PLCH1: variants seen among roughly 807,000 people sequenced by gnomAD.
The protein encoded by PLCH1 is 1-phosphatidylinositol 4,5-bisphosphate phosphodiesterase eta-1.
Under a neutral mutation model 126.7 loss-of-function variants are expected in PLCH1, and 60 were observed. The observed-to-expected ratio is 0.47, with a 90% CI of 0.38 to 0.59. The LOEUF (loss-of-function observed/expected upper bound fraction) is 0.59, where lower values mean the gene tolerates loss of function less well. PLCH1 is among the 20% of genes least tolerant of loss of function. The pLI is 0.00. For synonymous variants in PLCH1, 719 were observed against 734.9 expected, an observed-to-expected ratio of 0.98 and a Z score of 0.35; for missense variants, 1,723 against 2,040.0, an observed-to-expected ratio of 0.84 and a Z score of 2.99.
chr3:155,624,952 A>G (rs944174792), intron 2 of PLCH1, among the ~76,000 whole-genome samples: 5 of 152,230 alleles, frequency 3.3e-5, no homozygotes, highest in African/African-American at 9.6e-5. Context: ...CCTAAAAAAA[A>G]GAACAAAGCT....
At chr3:155,689,004 T>C (rs7651444) in intron 2 of PLCH1, among the ~76,000 whole-genome samples, 1 of 152,036 alleles carries the variant, frequency 6.6e-6, no homozygotes, top group African/African-American at 2.4e-5. Flanking sequence ...CTAGGGCAAG[T>C]CCCAGTCAGT....
chr3:155,468,650 G>T (rs1222509366), intron 21 of PLCH1, among the ~76,000 whole-genome samples: 1 of 152,102 alleles, frequency 6.6e-6, no homozygotes, highest in East Asian at 1.9e-4. Flanking sequence ...GACAAAGAAG[G>T]TCATTCCATA....
At position 155,594,146 on chromosome 3, in the gene PLCH1, G is replaced by T. The variant is rs1356562790; in HGVS notation, c.265C>A (p.Gln89Lys). 1.2e-6 allele frequency: 2 copies of T among 1,613,846 alleles called. No homozygotes were observed. The highest frequency in any genetic ancestry group is 1.7e-4 in the Middle Eastern group (1 of 6,056). Reference sequence around the variant, plus strand: ...GCTTGTCTGTGGAATATTTCAGACTGCCGGCCCTCAGTCACTTTGTAAATG... The same window carrying T: ...GCTTGTCTGTGGAATATTTCAGACTTCCGGCCCTCAGTCACTTTGTAAATG... Reference protein sequence around the residue: ...DSIYKVTEGRQSEIFHRQAEG... With the variant: ...DSIYKVTEGRKSEIFHRQAEG... The change falls in exon 4 of 23, where the codon CAG becomes AAG. Residue 89 changes from glutamine to lysine, a missense_variant. Coordinates refer to ENST00000460012, the MANE Select transcript of PLCH1 (RefSeq NM_014996.4).
chr3:155,635,843 C>CTTT (rs1738658342), intron 2 of PLCH1, among the ~76,000 whole-genome samples: 1 of 151,790 alleles, frequency 6.6e-6, no homozygotes, highest in African/African-American at 2.4e-5. Context: ...TGTTTAGATA[C>CTTT]TTTTGGCTGC....
At chr3:155,651,724 T>C (rs141178172) in intron 2 of PLCH1, among the ~76,000 whole-genome samples, 2 of 152,346 alleles carry the variant, frequency 1.3e-5, no homozygotes, top group African/African-American at 4.8e-5. Context: ...TGAAGTTACT[T>C]ACCACCACCT....
intron 2 of PLCH1, among the ~76,000 whole-genome samples, chr3:155,608,247 G>A (rs990018333): frequency 1.3e-5 from 2 of 152,188 alleles, no homozygotes; most frequent in South Asian, 4.1e-4. Context: ...GGACTAGGGA[G>A]GGGGTCACAA....
At chr3:155,568,953 T>C (rs940048547) in intron 6 of PLCH1, among the ~76,000 whole-genome samples, 15 of 152,144 alleles carry the variant, frequency 9.9e-5, no homozygotes, top group Admixed American at 8.5e-4. Context: ...ATTAATAGTG[T>C]GACATTGAAG....
chr3:155,716,891 A>G (rs1747559656), intron 1 of PLCH1, among the ~76,000 whole-genome samples: 1 of 152,228 alleles, frequency 6.6e-6, no homozygotes, highest in African/African-American at 2.4e-5. Context: ...AACCTAGTCA[A>G]AAGTCCGAAG....
chr3:155,564,816 G>A (rs978836185), intron 8 of PLCH1, 99 bp downstream of exon 8: 3 of 715,746 alleles, frequency 4.2e-6, no homozygotes, highest in African/African-American at 1.7e-5. Flanking sequence ...ATTAGTGTGA[G>A]AGTGTGTTTT....
chr3:155,532,715 C>G (rs1320808638), intron 10 of PLCH1, among the ~76,000 whole-genome samples: 1 of 152,160 alleles, frequency 6.6e-6, no homozygotes. Flanking sequence ...ATGAAGCCTC[C>G]TAGCCATGCT....
At chr3:155,669,778 G>A (rs1034156275) in intron 2 of PLCH1, among the ~76,000 whole-genome samples, 2 of 152,178 alleles carry the variant, frequency 1.3e-5, no homozygotes, top group African/African-American at 4.8e-5. Context: ...AAGTCCAACT[G>A]AAGACCTGTC....
intron 2 of PLCH1, among the ~76,000 whole-genome samples, chr3:155,611,880 A>G (rs1455825930): frequency 1.3e-5 from 2 of 152,260 alleles, no homozygotes; most frequent in Admixed American, 1.3e-4. Flanking sequence ...AACTATACAA[A>G]TACATAGAAA....
intron 2 of PLCH1, among the ~76,000 whole-genome samples, chr3:155,649,840 C>T (rs1406628168): frequency 6.6e-6 from 1 of 152,054 alleles, no homozygotes; most frequent in African/African-American, 2.4e-5. Flanking sequence ...TAGCCAGGCG[C>T]GGTGATGGGC....
At chr3:155,669,946 C>T (rs1743237198) in intron 2 of PLCH1, among the ~76,000 whole-genome samples, 1 of 152,186 alleles carries the variant, frequency 6.6e-6, no homozygotes, top group South Asian at 2.1e-4. Context: ...TTTCTGTTTA[C>T]ATGTGTGTGT....
At chr3:155,555,816 A>G (rs1181983005) in intron 8 of PLCH1, among the ~76,000 whole-genome samples, 2 of 152,198 alleles carry the variant, frequency 1.3e-5, no homozygotes, top group Non-Finnish European at 2.9e-5. Flanking sequence ...GCTAGCCCAC[A>G]GGATCTCTCT....
chr3:155,581,288 C>T (rs778286764), intron 6 of PLCH1, among the ~76,000 whole-genome samples: 8 of 152,146 alleles, frequency 5.3e-5, no homozygotes, highest in Non-Finnish European at 8.8e-5. Context: ...CCAACTTTTC[C>T]ACTCAGATAT....
At chr3:155,619,246 C>T (rs1244442967) in intron 2 of PLCH1, among the ~76,000 whole-genome samples, 1 of 149,704 alleles carries the variant, frequency 6.7e-6, no homozygotes, top group Non-Finnish European at 1.5e-5. Context: ...AGTCACTGTA[C>T]ACTTTATACT....
At chr3:155,676,006 G>T in intron 2 of PLCH1, 1 of 1,524,812 alleles carries the variant, frequency 6.6e-7, no homozygotes, top group Non-Finnish European at 8.9e-7. Flanking sequence ...CCTTTTTCTG[G>T]ACTTAAGTTT....
chr3:155,740,236 C>T (rs1192000574), intron 1 of PLCH1, among the ~76,000 whole-genome samples: 2 of 152,000 alleles, frequency 1.3e-5, no homozygotes, highest in African/African-American at 2.4e-5. Flanking sequence ...CATGGCAAAA[C>T]CCCATCTCTA....
Sources: gnomAD v4.1 joint callset for allele counts (sites outside exome capture counted in the v4.1 genomes callset) on GRCh38, gnomAD v4.1.1 for gene constraint, MANE v1.5 for transcripts, NCBI Gene and HGNC (gene_info 2026-07-23, HGNC 2026-07-21) for gene names.